Variants in PTGS1 observed in about 807,000 individuals in gnomAD.
PTGS1 encodes prostaglandin-endoperoxide synthase 1, also known as prostaglandin G/H synthase 1.
PTGS1 carries 40 observed loss-of-function variants against 63.0 expected under a neutral mutation model. The observed-to-expected ratio is 0.63, with a 90% confidence interval of 0.49 to 0.83. The LOEUF is 0.83. Ranked by LOEUF, PTGS1 falls within the 40% of genes least tolerant of loss-of-function variation. PTGS1 has a pLI of 0.00. For synonymous variants in PTGS1, 298 were observed against 301.9 expected (o/e 0.99, Z 0.13); for missense variants, 709 against 786.5 (o/e 0.90, Z 1.18).
In PTGS1 at chr9:122,371,215, C is replaced by T. The variant is rs1270213342; in HGVS notation, c.37C>T (p.Leu13=). ...RSLLLWFLLF[L]LLLPPLPVLL... ...TCTCTTGCTCTGGTTCTTGCTGTTC[C>T]TGCTCCTGCTCCCGCCGCTCCCCGT... The change falls in exon 2 of 11, where the codon CTG becomes TTG. Residue 13 remains leucine, a synonymous_variant. Coordinates refer to ENST00000362012, the MANE Select transcript of PTGS1 (RefSeq NM_000962.4). 1.3e-6 allele frequency: 2 copies of T among 1,588,220 alleles called. No individual in the cohort carries two copies. Among genetic ancestry groups the T allele is most frequent in the African/African-American group, 1.3e-5 (1 of 74,928 alleles).
chr9:122,391,328 ATGTGTGTG>A (rs1174759530), intron 10 of PTGS1, among the ~76,000 whole-genome samples: 1 of 123,036 alleles, frequency 8.1e-6, no homozygotes, highest in Admixed American at 7.9e-5. Flanking sequence ...ACACATATAT[ATGTGTGTG>A]TATATATATA....
rs777417388 is a variant in PTGS1, at chr9:122,390,356, G to A, written c.1444+11G>A. 1 of 1,613,400 alleles carries A rather than the reference G, an allele frequency of 6.2e-7. No individual in the cohort carries two copies. Among genetic ancestry groups the A allele is most frequent in the African/African-American group, 1.3e-5 (1 of 74,946 alleles). ...TCCAGGAGCTCGTAGGTGAGCAGCT[G>A]TTTCCTGGATGCAGTCCCTGCCCTT... On this transcript the variant is annotated intron_variant, in intron 10 of 10. Transcript: ENST00000362012.
chr9:122,390,118 C>T, intron 9 of PTGS1, 80 bp from the exon 10 acceptor site: 1 of 1,516,526 alleles, frequency 6.6e-7, no homozygotes, highest in Non-Finnish European at 8.9e-7. Context: ...CCACTGGAAG[C>T]TCTTGTCCCA....
At chr9:122,387,045 GT>G (rs1389542697) in intron 9 of PTGS1, among the ~76,000 whole-genome samples, 2 of 152,028 alleles carry the variant, frequency 1.3e-5, no homozygotes, top group Non-Finnish European at 2.9e-5. Flanking sequence ...GTCAGGCACT[GT>G]TCTAAGAGCT....
rs1467324103 is a variant in PTGS1, at chr9:122,386,483, G to A, written c.1047G>A (p.Gln349=). The change falls in exon 9 of 11, where the codon CAG becomes CAA. Residue 349 remains glutamine, a synonymous_variant. Coordinates refer to ENST00000362012, the MANE Select transcript of PTGS1 (RefSeq NM_000962.4). ...TIKIVIEEYV[Q]QLSGYFLQLK... is the part of the protein sequence containing the mutation. ...AGATTGTCATCGAGGAGTACGTGCA[G>A]CAGCTGAGTGGCTATTTCCTGCAGC... 2 of 1,614,116 alleles carry A rather than the reference G, an allele frequency of 1.2e-6. No individual in the cohort carries two copies. Among genetic ancestry groups the A allele is most frequent in the East Asian group, 2.2e-5 (1 of 44,896 alleles).
intron 7 of PTGS1, among the ~76,000 whole-genome samples, chr9:122,382,042 C>T (rs113922275): frequency 0.015 from 2,289 of 152,244 alleles, 44 homozygotes; most frequent in African/African-American, 0.048. Context: ...TAATTGGACA[C>T]GAGAATATAC....
At chr9:122,385,057 G>A (rs375760220) in intron 8 of PTGS1, among the ~76,000 whole-genome samples, 128 of 152,122 alleles carry the variant, frequency 8.4e-4, no homozygotes, top group African/African-American at 2.9e-3. Context: ...TCCCGGGTTC[G>A]AGCAATTCTC....
intron 7 of PTGS1, among the ~76,000 whole-genome samples, chr9:122,382,240 A>G (rs1837572731): frequency 6.6e-6 from 1 of 152,262 alleles, no homozygotes; most frequent in African/African-American, 2.4e-5. Context: ...AGGGAAAAAG[A>G]AACAGGTGAA....
chr9:122,385,811 A>G (rs1837837047), intron 8 of PTGS1, among the ~76,000 whole-genome samples: 1 of 151,992 alleles, frequency 6.6e-6, no homozygotes, highest in Admixed American at 6.6e-5. Flanking sequence ...GGGCTTCAGG[A>G]GGGAGGTCAT....
chr9:122,378,182 CT>C (rs960893348), intron 3 of PTGS1, among the ~76,000 whole-genome samples, 167 bp downstream of exon 3: 1 of 152,152 alleles, frequency 6.6e-6, no homozygotes, highest in African/African-American at 2.4e-5. Context: ...TGAGCTCTCG[CT>C]CTTGGTCCAC....
At position 122,386,546 on chromosome 9, in the gene PTGS1, C is replaced by T; in HGVS notation, c.1110C>T (p.Phe370=). The change falls in exon 9 of 11, where the codon TTC becomes TTT. Residue 370 remains phenylalanine, a synonymous_variant. Coordinates refer to ENST00000362012, the MANE Select transcript of PTGS1 (RefSeq NM_000962.4). The part of the protein sequence containing the change: ...FDPELLFGVQ[F]QYRNRIAMEF... ...CAGAGCTGCTGTTCGGTGTCCAGTTCCAATACCGCAACCGCATTGCCATGG... is the reference window on the plus strand; with the variant it reads ...CAGAGCTGCTGTTCGGTGTCCAGTTTCAATACCGCAACCGCATTGCCATGG... 1.2e-6 allele frequency: 2 copies of T among 1,614,198 alleles called. No individual in the cohort carries two copies. Among genetic ancestry groups the T allele is most frequent in the Non-Finnish European group, 1.7e-6 (2 of 1,180,038 alleles).
At chr9:122,392,122 C>T in intron 10 of PTGS1, 67 bp from the exon 11 acceptor site, 1 of 1,403,172 alleles carries the variant, frequency 7.1e-7, no homozygotes, top group Non-Finnish European at 9.6e-7. Flanking sequence ...CTGGAAGGGT[C>T]CCGCCCCAGG....
intron 2 of PTGS1, among the ~76,000 whole-genome samples, chr9:122,376,691 G>A (rs141896051): frequency 3.1e-3 from 470 of 152,256 alleles, no homozygotes; most frequent in African/African-American, 0.01. Flanking sequence ...AAAGGAGCCC[G>A]GCGTTTTCTG....
chr9:122,386,722 T>C lies in PTGS1; in HGVS notation c.1286T>C (p.Ile429Thr), dbSNP rs768447556. 1.9e-6 allele frequency: 3 copies of C among 1,614,110 alleles called. No individual in the cohort carries two copies. The South Asian group carries it at 3.3e-5, about 18-fold the overall frequency. Residue 429 changes from isoleucine to threonine, a missense_variant, in exon 9 of 11, where the codon ATT becomes ACT. Transcript: ENST00000362012. ...CTGGTGGATGCCTTCTCTCGCCAGA[T>C]TGCTGGCCGGGTAAGCCCCAGAGGA... ...EALVDAFSRQIAGRIGGGRNM... is the reference protein window; with the variant it reads ...EALVDAFSRQTAGRIGGGRNM...
intron 3 of PTGS1, 106 bp downstream of exon 3, chr9:122,378,121 T>A: frequency 8.8e-7 from 1 of 1,132,644 alleles, no homozygotes; most frequent in Non-Finnish European, 1.3e-6. Flanking sequence ...ACCATGGCCC[T>A]GTTCTCCTTC....
chr9:122,387,908 C>T (rs1837973835), intron 9 of PTGS1, among the ~76,000 whole-genome samples: 1 of 152,252 alleles, frequency 6.6e-6, no homozygotes, highest in African/African-American at 2.4e-5. Context: ...TGTCCCTAAA[C>T]CCTGTCATGA....
chr9:122,373,519 G>A (rs1836929915), intron 2 of PTGS1, among the ~76,000 whole-genome samples: 2 of 152,132 alleles, frequency 1.3e-5, no homozygotes, highest in African/African-American at 2.4e-5. Flanking sequence ...TGCCGGGGGC[G>A]CCCTGAATGC....
chr9:122,392,515 G>A lies in PTGS1; in HGVS notation c.1771G>A (p.Ala591Thr), dbSNP rs1423400795. The A allele has an allele frequency of 6.2e-7, 1 of 1,613,920 alleles. No homozygotes were observed. The highest frequency in any genetic ancestry group is 1.3e-5 in the African/African-American group (1 of 75,038). The change falls in exon 11 of 11, where the codon GCT becomes ACT. Residue 591 changes from alanine (A) to threonine (T), a missense_variant. By Grantham distance (58) the Ala-to-Thr change is moderately conservative. Transcript: ENST00000362012. The part of the protein sequence containing the change: ...VPDASQDDGP[A>T]VERPSTEL The stretch of plus-strand genomic sequence containing the variant: ...GGATGCCAGTCAGGATGATGGGCCT[G>A]CTGTGGAGCGACCATCCACAGAGCT...
At position 122,380,803 on chromosome 9, in the gene PTGS1, A is replaced by T. The variant is rs191622018; in HGVS notation, c.497-568A>T. Reference sequence around the variant, plus strand: ...CTCTCGCAGTCCTCAGATTCACTGTATCAAATGGGTATCATTTGCCCCTTT... The same window carrying T: ...CTCTCGCAGTCCTCAGATTCACTGTTTCAAATGGGTATCATTTGCCCCTTT... On this transcript the variant is annotated intron_variant, in intron 5 of 10. Transcript: ENST00000362012. Among the ~76,000 whole-genome samples the T allele has an allele frequency of 2.9e-3, 448 of 152,340 alleles. 2 individuals carry two copies. The highest frequency in any genetic ancestry group is 4.0e-3 in the Non-Finnish European group (273 of 68,036).
Sources: gnomAD v4.1 joint callset for allele counts (sites outside exome capture counted in the v4.1 genomes callset) on GRCh38, gnomAD v4.1.1 for gene constraint, MANE v1.5 for transcripts, NCBI Gene and HGNC (gene_info 2026-07-23, HGNC 2026-07-21) for gene names.